PTPRK: variants seen among roughly 807,000 people sequenced by gnomAD.
PTPRK encodes protein tyrosine phosphatase receptor type K, also known as receptor-type tyrosine-protein phosphatase kappa.
In PTPRK, 75 loss-of-function variants were observed where a neutral mutation model predicts 178.0. The ratio of observed to expected loss-of-function variants is 0.42; its 90% CI spans 0.35 to 0.51. The LOEUF is 0.51. Ranked by LOEUF, PTPRK falls within the 20% of genes least tolerant of loss-of-function variation. PTPRK has a pLI of 0.02. For synonymous variants in PTPRK, 637 were observed against 620.6 expected, an observed-to-expected ratio of 1.03 and a Z score of -0.39; for missense variants, 1,441 against 1,797.8, an observed-to-expected ratio of 0.80 and a Z score of 3.59.
intron 13 of PTPRK, among the ~76,000 whole-genome samples, chr6:128,026,875 T>C (rs1358231864): frequency 6.6e-6 from 1 of 152,204 alleles, no homozygotes; most frequent in Non-Finnish European, 1.5e-5. Flanking sequence ...TAAATATTAC[T>C]AAATCCATTT....
chr6:128,016,902 T>G (rs961504270), intron 13 of PTPRK, among the ~76,000 whole-genome samples: 1 of 151,944 alleles, frequency 6.6e-6, no homozygotes, highest in Non-Finnish European at 1.5e-5. Flanking sequence ...AGTACATGAG[T>G]CACTTTCTGG....
At chr6:128,124,770 T>A (rs902571745) in intron 7 of PTPRK, among the ~76,000 whole-genome samples, 2 of 152,226 alleles carry the variant, frequency 1.3e-5, no homozygotes, top group African/African-American at 4.8e-5. Context: ...GAGACCTGAA[T>A]AGACAAAAAG....
At chr6:128,095,606 T>C (rs1319906024) in intron 7 of PTPRK, among the ~76,000 whole-genome samples, 2 of 152,092 alleles carry the variant, frequency 1.3e-5, no homozygotes, top group East Asian at 3.9e-4. Context: ...GAGTTCAGAC[T>C]GGGAAAAAGC....
intron 1 of PTPRK, among the ~76,000 whole-genome samples, chr6:128,412,557 G>C (rs936194717): frequency 6.6e-6 from 1 of 152,170 alleles, no homozygotes; most frequent in Admixed American, 6.5e-5. Context: ...ATGCTGGCCA[G>C]GTATCACCAA....
chr6:128,318,983 A>G (rs553727050), intron 3 of PTPRK, among the ~76,000 whole-genome samples: 1 of 152,202 alleles, frequency 6.6e-6, no homozygotes, highest in Non-Finnish European at 1.5e-5. Context: ...TAATTAGTAT[A>G]GTAAGCTGAA....
At chr6:128,067,219 C>G (rs1011331724) in intron 12 of PTPRK, among the ~76,000 whole-genome samples, 1 of 152,098 alleles carries the variant, frequency 6.6e-6, no homozygotes, top group African/African-American at 2.4e-5. Context: ...GGTGGAGTCC[C>G]AGCAGCAGCA....
At position 128,223,204 on chromosome 6, in the gene PTPRK, C is replaced by T. The variant is rs147686108; in HGVS notation, c.694-4108G>A. 6.1e-4 allele frequency among the ~76,000 whole-genome samples: 93 copies of T among 151,620 alleles called. 1 individual carries two copies. The East Asian group carries it at 7.7e-3, about 13-fold the overall frequency. ...TTTAATATATATTATCTTTATTTAG[C>T]GGGTGGCTCAAGTACTTTGTTAAAA... On this transcript the variant is annotated intron_variant, in intron 5 of 29. Coordinates refer to ENST00000368226, the MANE Select transcript of PTPRK (RefSeq NM_002844.4).
chr6:128,032,384 G>A (rs745329917), intron 13 of PTPRK, among the ~76,000 whole-genome samples: 2 of 152,082 alleles, frequency 1.3e-5, no homozygotes, highest in African/African-American at 2.4e-5. Flanking sequence ...CCAGTTATGC[G>A]GTTCAGATCA....
At chr6:128,119,937 A>G (rs1792179549) in intron 7 of PTPRK, among the ~76,000 whole-genome samples, 2 of 152,006 alleles carry the variant, frequency 1.3e-5, no homozygotes, top group Non-Finnish European at 2.9e-5. Context: ...CACACAAAAT[A>G]GTTCCTATCC....
chr6:128,197,159 A>G (rs116947613), intron 6 of PTPRK, among the ~76,000 whole-genome samples: 3,184 of 146,146 alleles, frequency 0.022, 62 homozygotes, highest in Middle Eastern at 0.081. Context: ...ATACAATTAC[A>G]TTTTTTAATC....
In PTPRK at chr6:127,969,119, A is replaced by C. The variant is rs550179683; in HGVS notation, c.*1108T>G. The C allele has an allele frequency of 6.6e-6, 1 of 152,336 alleles. No homozygotes were observed. Among genetic ancestry groups the C allele is most frequent in the African/African-American group, 2.4e-5 (1 of 41,580 alleles). 9.4% of individuals were successfully genotyped at this position (152,336 alleles called of 1,614,324 possible). On this transcript the variant is annotated 3_prime_UTR_variant, in exon 30 of 30. Coordinates refer to ENST00000368226, the MANE Select transcript of PTPRK (RefSeq NM_002844.4). ...CAGTTTGCTCAAATTTGACCCTGAA[A>C]GCATATATGTTGCCATCTTGTTTTC...
intron 7 of PTPRK, among the ~76,000 whole-genome samples, chr6:128,099,720 G>A (rs1415859191): frequency 6.6e-6 from 1 of 152,088 alleles, no homozygotes; most frequent in Non-Finnish European, 1.5e-5. Flanking sequence ...TCAGGGAATA[G>A]AGAGACAGAT....
At chr6:128,211,057 C>T (rs772460232) in intron 6 of PTPRK, among the ~76,000 whole-genome samples, 6 of 151,940 alleles carry the variant, frequency 3.9e-5, no homozygotes, top group Non-Finnish European at 7.4e-5. Context: ...AAATTATATC[C>T]TAAAGTGTAA....
chr6:128,402,948 G>C (rs934324751), intron 1 of PTPRK, among the ~76,000 whole-genome samples: 28 of 152,162 alleles, frequency 1.8e-4, no homozygotes, highest in African/African-American at 6.5e-4. Context: ...TGCCCTGCTT[G>C]TAGTTAATTA....
At chr6:128,054,192 G>A (rs1779523478) in intron 13 of PTPRK, among the ~76,000 whole-genome samples, 1 of 152,114 alleles carries the variant, frequency 6.6e-6, no homozygotes, top group East Asian at 1.9e-4. Context: ...TGTAAAGCAT[G>A]TTTTCCAGTC....
intron 3 of PTPRK, among the ~76,000 whole-genome samples, chr6:128,276,089 A>G (rs1820685074): frequency 6.6e-6 from 1 of 152,058 alleles, no homozygotes; most frequent in Non-Finnish European, 1.5e-5. Context: ...TAAGTGATTC[A>G]CTATTAAAAT....
intron 3 of PTPRK, among the ~76,000 whole-genome samples, chr6:128,280,811 A>G (rs1307241568): frequency 2.0e-5 from 3 of 152,210 alleles, no homozygotes; most frequent in African/African-American, 7.2e-5. Flanking sequence ...TGTGAAACAT[A>G]TATTTAGAAA....
intron 4 of PTPRK, among the ~76,000 whole-genome samples, chr6:128,241,467 A>G (rs138961658): frequency 5.4e-4 from 83 of 152,340 alleles, no homozygotes; most frequent in African/African-American, 1.9e-3. Flanking sequence ...GCAGGAGCAC[A>G]GGTCTTGGCC....
chr6:128,080,368 A>C (rs1308255220), intron 10 of PTPRK, among the ~76,000 whole-genome samples: 1 of 152,032 alleles, frequency 6.6e-6, no homozygotes, highest in African/African-American at 2.4e-5. Flanking sequence ...AAGATTGCGA[A>C]AATATTTAAG....
Sources: allele counts gnomAD v4.1 joint callset (sites outside exome capture counted in the v4.1 genomes callset), GRCh38; gene constraint gnomAD v4.1.1; transcripts MANE v1.5; gene names NCBI Gene and HGNC (gene_info 2026-07-23, HGNC 2026-07-21).